SLC7A1: variants seen among roughly 807,000 people sequenced by gnomAD.
The protein encoded by SLC7A1 is high affinity cationic amino acid transporter 1.
In SLC7A1, 10 loss-of-function variants were observed where a neutral mutation model predicts 53.9. The ratio of observed to expected loss-of-function variants is 0.19; its 90% CI spans 0.11 to 0.31. The LOEUF (loss-of-function observed/expected upper bound fraction) is 0.31. Among genes scored for constraint, SLC7A1 ranks in the 10% least tolerant of loss-of-function variants. SLC7A1 has a pLI of 1.00. For missense variants in SLC7A1, 525 were observed against 827.2 expected (o/e 0.63, Z 4.48); for synonymous variants, 342 against 338.7 (o/e 1.01, Z -0.11).
chr13:29,570,939 T>C (rs1160994065), intron 1 of SLC7A1, among the ~76,000 whole-genome samples: 1 of 152,280 alleles, frequency 6.6e-6, no homozygotes, highest in Admixed American at 6.5e-5. Context: ...GAGGTTTCAA[T>C]GAATTTATAT....
chr13:29,532,410 T>C (rs1425174584), intron 4 of SLC7A1, among the ~76,000 whole-genome samples: 3 of 152,220 alleles, frequency 2.0e-5, no homozygotes, highest in East Asian at 1.9e-4. Flanking sequence ...CACACATTAG[T>C]GTTCCAGACG....
At chr13:29,535,537 G>T (rs933687243) in intron 3 of SLC7A1, among the ~76,000 whole-genome samples, 1 of 152,202 alleles carries the variant, frequency 6.6e-6, no homozygotes, top group African/African-American at 2.4e-5. Context: ...ATGAATGAGA[G>T]AATTAGTTTC....
chr13:29,519,328 C>G, intron 9 of SLC7A1, 119 bp downstream of exon 9: 1 of 612,290 alleles, frequency 1.6e-6, no homozygotes, highest in Non-Finnish European at 2.9e-6. Flanking sequence ...TTGGCAGCTC[C>G]CAATGGAGCT....
chr13:29,527,072 T>TAAA lies in SLC7A1; in HGVS notation c.705-2822_705-2820dup, dbSNP rs34724516. ...CCATAACAATGAACAAGGGCCTGAT[T>TAAA]AAAAAAAAAAAAAAAAAATCTGCAG... On this transcript the variant is annotated intron_variant, in intron 5 of 12. Transcript: ENST00000380752. Among the ~76,000 whole-genome samples, 11 of 143,980 alleles carry TAAA rather than the reference T, an allele frequency of 7.6e-5. No homozygotes were observed. In the South Asian group the frequency reaches 2.3e-3, roughly 30 times the overall value. 94.5% of individuals were successfully genotyped at this position (143,980 alleles called of 152,430 possible). A position where few individuals can be genotyped will look rare whatever the true frequency, so the allele number is the denominator to read the frequency against.
At chr13:29,536,865 A>T (rs1229948316) in intron 2 of SLC7A1, among the ~76,000 whole-genome samples, 1 of 152,246 alleles carries the variant, frequency 6.6e-6, no homozygotes, top group Non-Finnish European at 1.5e-5. Context: ...ATGTCAGCCC[A>T]ATGTGCTCTG....
In SLC7A1 at chr13:29,532,818, C is replaced by T. The variant is rs1388530911; in HGVS notation, c.529+6G>A. On this transcript the variant is annotated splice_donor_region_variant and intron_variant, in intron 4 of 12. Coordinates refer to ENST00000380752, the MANE Select transcript of SLC7A1 (RefSeq NM_003045.5). ...GACCCGATCTCTTTTTAAGTGTGGG[C>T]TTTACCTGTCAAGATGAGAATTATG... 1.2e-6 allele frequency: 2 copies of T among 1,609,854 alleles called. No homozygotes were observed. The highest frequency in any genetic ancestry group is 1.7e-6 in the Non-Finnish European group (2 of 1,177,178).
chr13:29,561,812 T>A (rs117811708), intron 1 of SLC7A1, among the ~76,000 whole-genome samples: 1 of 152,090 alleles, frequency 6.6e-6, no homozygotes, highest in African/African-American at 2.4e-5. Flanking sequence ...GCCCCACACA[T>A]GGCACCACCG....
intron 4 of SLC7A1, 144 bp downstream of exon 4, chr13:29,532,680 T>A: frequency 1.5e-6 from 1 of 646,180 alleles, no homozygotes; most frequent in Non-Finnish European, 2.6e-6. Context: ...CAAATAAAGA[T>A]GCCTGCATGC....
chr13:29,530,743 CTGAGTGTT>C, intron 4 of SLC7A1, 31 bp from the exon 5 acceptor site: 2 of 1,602,214 alleles, frequency 1.2e-6, no homozygotes, highest in Non-Finnish European at 1.7e-6. Context: ...AAAACTTTGT[CTGAGTGTT>C]AACCACAAAC....
At chr13:29,521,259 G>C (rs1472663668) in intron 8 of SLC7A1, among the ~76,000 whole-genome samples, 1 of 152,192 alleles carries the variant, frequency 6.6e-6, no homozygotes, top group African/African-American at 2.4e-5. Context: ...AGCACAGTTT[G>C]CTAAAGGCAT....
intron 1 of SLC7A1, among the ~76,000 whole-genome samples, chr13:29,560,383 G>A (rs1404658093): frequency 6.6e-6 from 1 of 151,770 alleles, no homozygotes; most frequent in Non-Finnish European, 1.5e-5. Context: ...TTTCTTGTAA[G>A]TAGGACTACA....
rs1339486397 is a variant in SLC7A1 at position 29,536,075 on chromosome 13, C to T, written c.114G>A (p.Val38=). Residue 38 remains valine, a synonymous_variant, in exon 3 of 13, where the codon GTG becomes GTA. Transcript: ENST00000380752. ...CCAGTGTGCTGCCCACCCCGAGGGCCACCAGATCAAAAGTGTTCAGGCAGC... is the reference window on the plus strand; with the variant it reads ...CCAGTGTGCTGCCCACCCCGAGGGCTACCAGATCAAAAGTGTTCAGGCAGC... ...LSRCLNTFDL[V]ALGVGSTLGA... The T allele has an allele frequency of 6.2e-7, 1 of 1,613,876 alleles. No homozygotes were observed. The highest frequency in any genetic ancestry group is 1.3e-5 in the African/African-American group (1 of 74,916).
intron 2 of SLC7A1, among the ~76,000 whole-genome samples, chr13:29,552,637 T>C (rs557512561): frequency 6.6e-6 from 1 of 152,336 alleles, no homozygotes; most frequent in Non-Finnish European, 1.5e-5. Context: ...TCAAGACCGA[T>C]CTGTGCCTTA....
chr13:29,541,781 AT>A (rs150759608), intron 2 of SLC7A1, among the ~76,000 whole-genome samples: 11,666 of 152,296 alleles, frequency 0.077, 619 homozygotes, highest in Non-Finnish European at 0.11. Context: ...AGTAGGAAAA[AT>A]TATGAATAAC....
chr13:29,538,511 G>A (rs950876466), intron 2 of SLC7A1, among the ~76,000 whole-genome samples: 17 of 152,192 alleles, frequency 1.1e-4, no homozygotes, highest in African/African-American at 3.9e-4. Flanking sequence ...AGGGATGCCT[G>A]CGGCTTCCTA....
chr13:29,527,032 C>G (rs1224957969), intron 5 of SLC7A1, among the ~76,000 whole-genome samples: 1 of 150,332 alleles, frequency 6.7e-6, no homozygotes. Flanking sequence ...ACCCGGGTGC[C>G]GGGACCCTGG....
At chr13:29,564,202 T>C (rs2139156592) in intron 1 of SLC7A1, among the ~76,000 whole-genome samples, 1 of 152,302 alleles carries the variant, frequency 6.6e-6, no homozygotes. Context: ...CCAACTATCC[T>C]GCACAGCTCA....
At chr13:29,514,686 G>A in intron 12 of SLC7A1, 103 bp from the exon 13 acceptor site, 1 of 779,864 alleles carries the variant, frequency 1.3e-6, no homozygotes. Flanking sequence ...CTCTCAGGCG[G>A]CCTGCCCCTG....
chr13:29,537,658 T>G (rs76660462), intron 2 of SLC7A1, among the ~76,000 whole-genome samples: 296 of 152,338 alleles, frequency 1.9e-3, no homozygotes, highest in African/African-American at 6.3e-3. Flanking sequence ...AGCTCTGTAC[T>G]CTTCACAATT....
Sources: gnomAD v4.1 joint callset for allele counts (sites outside exome capture counted in the v4.1 genomes callset) on GRCh38, gnomAD v4.1.1 for gene constraint, MANE v1.5 for transcripts, NCBI Gene and HGNC (gene_info 2026-07-23, HGNC 2026-07-21) for gene names.